REC114: variants seen among roughly 807,000 people sequenced by gnomAD.
REC114 encodes the protein REC114 meiotic recombination protein.
A neutral mutation model predicts 31.3 loss-of-function variants in REC114; 27 were observed. That is an observed-to-expected ratio of 0.86 (90% confidence interval 0.64 to 1.19). The LOEUF (loss-of-function observed/expected upper bound fraction) is 1.19. Ranked by LOEUF, REC114 falls within the 50% of genes most tolerant of loss-of-function variation. REC114 has a pLI of 0.00. For synonymous variants in REC114, 134 were observed against 127.7 expected, an observed-to-expected ratio of 1.05 and a Z score of -0.33; for missense variants, 344 against 326.9, an observed-to-expected ratio of 1.05 and a Z score of -0.40.
chr15:73,542,859 G>A (rs922653005), intron 3 of REC114, among the ~76,000 whole-genome samples: 2 of 151,960 alleles, frequency 1.3e-5, no homozygotes, highest in Non-Finnish European at 2.9e-5. Flanking sequence ...TTAACTCATC[G>A]CTAATTTTTC....
intron 1 of REC114, among the ~76,000 whole-genome samples, chr15:73,445,925 T>C (rs1483493689): frequency 6.6e-6 from 1 of 152,176 alleles, no homozygotes; most frequent in Non-Finnish European, 1.5e-5. Context: ...AGTGAACACA[T>C]GCTATTAGAA....
chr15:73,524,268 T>A (rs1893977363), intron 2 of REC114, among the ~76,000 whole-genome samples: 1 of 152,186 alleles, frequency 6.6e-6, no homozygotes. Flanking sequence ...TGATGCTTTA[T>A]GAAAAGTTTA....
At chr15:73,551,201 C>T (rs1331301830) in intron 4 of REC114, 51 bp downstream of exon 4, 10 of 1,481,450 alleles carry the variant, frequency 6.8e-6, no homozygotes, top group Admixed American at 3.9e-5. Context: ...ATGCAGTGCA[C>T]AATGAGTGGC....
intron 4 of REC114, among the ~76,000 whole-genome samples, chr15:73,551,424 G>T (rs1463981448): frequency 3.7e-4 from 56 of 152,084 alleles, no homozygotes; most frequent in Admixed American, 3.7e-3. Flanking sequence ...CTTCCAGGGG[G>T]CCCACAAGGT....
chr15:73,472,833 T>G (rs1567858054), intron 1 of REC114, among the ~76,000 whole-genome samples: 1 of 152,150 alleles, frequency 6.6e-6, no homozygotes, highest in Non-Finnish European at 1.5e-5. Context: ...GGTTTTATGT[T>G]TAGGTTCAAG....
intron 1 of REC114, among the ~76,000 whole-genome samples, chr15:73,462,660 C>T (rs1264958832): frequency 6.6e-6 from 1 of 151,922 alleles, no homozygotes; most frequent in Non-Finnish European, 1.5e-5. Flanking sequence ...CCGAGGCAGG[C>T]GGATCATGAG....
intron 2 of REC114, among the ~76,000 whole-genome samples, chr15:73,502,156 TA>T: frequency 1.4e-5 from 2 of 147,470 alleles, no homozygotes; most frequent in African/African-American, 5.0e-5. Context: ...CCTTGTCTCT[TA>T]AAAAAAAAAA....
intron 2 of REC114, among the ~76,000 whole-genome samples, chr15:73,538,342 G>A (rs536446284): frequency 1.1e-4 from 16 of 150,988 alleles, no homozygotes; most frequent in Non-Finnish European, 2.2e-4. Flanking sequence ...TTTGTTCAGT[G>A]TTTTTTGATA....
At chr15:73,451,465 G>A (rs890675218) in intron 1 of REC114, among the ~76,000 whole-genome samples, 27 of 152,126 alleles carry the variant, frequency 1.8e-4, no homozygotes, top group African/African-American at 6.5e-4. Context: ...CCAATAATAA[G>A]TTCTGAAATT....
intron 2 of REC114, among the ~76,000 whole-genome samples, chr15:73,514,614 A>G (rs1195935435): frequency 6.6e-6 from 1 of 152,216 alleles, no homozygotes; most frequent in African/African-American, 2.4e-5. Context: ...AGTATTCATA[A>G]TGGGCAACAT....
chr15:73,547,081 A>C (rs141500647), intron 3 of REC114, among the ~76,000 whole-genome samples: 6 of 152,280 alleles, frequency 3.9e-5, no homozygotes, highest in South Asian at 4.1e-4. Flanking sequence ...TTTAAGTTAA[A>C]AAGCTTCTGC....
intron 2 of REC114, among the ~76,000 whole-genome samples, chr15:73,511,179 T>C (rs1317690899): frequency 6.6e-6 from 1 of 152,192 alleles, no homozygotes; most frequent in Non-Finnish European, 1.5e-5. Flanking sequence ...TGGGAGAGTG[T>C]ATGTGTCGAG....
chr15:73,447,837 G>T (rs1285825296), intron 1 of REC114, among the ~76,000 whole-genome samples: 5 of 152,104 alleles, frequency 3.3e-5, no homozygotes, highest in Admixed American at 2.6e-4. Flanking sequence ...TGCAGGCCAT[G>T]GGGGGTGAGC....
intron 2 of REC114, among the ~76,000 whole-genome samples, chr15:73,504,638 T>C (rs1460291404): frequency 6.6e-6 from 1 of 152,184 alleles, no homozygotes; most frequent in African/African-American, 2.4e-5. Flanking sequence ...GGTTTGGAAA[T>C]GGGTCATTTT....
chr15:73,551,078 G>T lies in REC114; in HGVS notation c.474G>T (p.Leu158=). The change falls in exon 4 of 6, where the codon CTG becomes CTT. Residue 158 remains leucine (L), a synonymous_variant. Transcript: ENST00000331090. ...VPDGNIQELQ[L]IPGPPRATES... ...ATGGAAACATCCAGGAGCTTCAGCT[G>T]ATTCCTGGCCCACCCAGGGCAACTG... 6.2e-7 allele frequency: 1 copy of T among 1,613,680 alleles called. No homozygotes were observed. The highest frequency in any genetic ancestry group is 8.5e-7 in the Non-Finnish European group (1 of 1,179,754).
At chr15:73,464,777 C>T (rs1051161165) in intron 1 of REC114, among the ~76,000 whole-genome samples, 3 of 152,176 alleles carry the variant, frequency 2.0e-5, no homozygotes, top group Non-Finnish European at 4.4e-5. Flanking sequence ...CTCAGGGCTC[C>T]TTGCTTAGTA....
chr15:73,529,752 G>T (rs1201128747), intron 2 of REC114, among the ~76,000 whole-genome samples: 4 of 152,102 alleles, frequency 2.6e-5, no homozygotes, highest in Non-Finnish European at 5.9e-5. Context: ...CTGTGCTTCT[G>T]TAGAATCATG....
chr15:73,473,478 A>G (rs1164477205), intron 1 of REC114, among the ~76,000 whole-genome samples: 5 of 152,192 alleles, frequency 3.3e-5, no homozygotes, highest in African/African-American at 1.2e-4. Flanking sequence ...GTAAGGTGCT[A>G]TCTCCATTTT....
At chr15:73,510,904 C>CT (rs1176140903) in intron 2 of REC114, among the ~76,000 whole-genome samples, 2 of 150,966 alleles carry the variant, frequency 1.3e-5, no homozygotes. Context: ...CTAAAATTCT[C>CT]TTTTTTGGTT....
Sources: gnomAD v4.1 joint callset for allele counts (sites outside exome capture counted in the v4.1 genomes callset) on GRCh38, gnomAD v4.1.1 for gene constraint, MANE v1.5 for transcripts, NCBI Gene and HGNC (gene_info 2026-07-23, HGNC 2026-07-21) for gene names.